TRIM71: variants seen among roughly 807,000 people sequenced by gnomAD.
TRIM71 encodes the protein tripartite motif containing 71, also known as E3 ubiquitin-protein ligase TRIM71.
A neutral mutation model predicts 61.2 loss-of-function variants in TRIM71; 9 were observed. That is an observed-to-expected ratio of 0.15 (90% CI 0.09 to 0.26). The LOEUF is 0.26. Among genes scored for constraint, TRIM71 ranks in the 10% least tolerant of loss-of-function variants. The pLI is 1.00. For missense variants in TRIM71, 998 were observed against 1,238.7 expected (o/e 0.81, Z 2.92); for synonymous variants, 645 against 553.2 (o/e 1.17, Z -2.33).
intron 3 of TRIM71, among the ~76,000 whole-genome samples, chr3:32,886,308 G>A (rs1446478096): frequency 1.3e-5 from 2 of 152,182 alleles, no homozygotes; most frequent in Non-Finnish European, 2.9e-5. Flanking sequence ...GACTGGAAGC[G>A]GTCTCCAGTT....
In TRIM71 at chr3:32,885,924, G is replaced by T; in HGVS notation, c.1021-10G>T. 1 of 1,605,176 alleles carries T rather than the reference G, an allele frequency of 6.2e-7. No individual in the cohort carries two copies. On this transcript the variant is annotated splice_polypyrimidine_tract_variant and intron_variant, in intron 2 of 3. Coordinates refer to ENST00000383763, the MANE Select transcript of TRIM71 (RefSeq NM_001039111.3). ...TAATGCCTCGAAGTTGTTTCTTTTT[G>T]GTTTTCCAGCTGAGCATCGAGCAGG... is the stretch of plus-strand genomic sequence containing the variant.
chr3:32,843,518 C>T (rs1696435075), intron 1 of TRIM71, among the ~76,000 whole-genome samples: 1 of 152,102 alleles, frequency 6.6e-6, no homozygotes, highest in African/African-American at 2.4e-5. Context: ...TTATTAGTGG[C>T]AAAAGAGCTC....
At chr3:32,873,670 C>T (rs924559796) in intron 1 of TRIM71, 148 bp from the exon 2 acceptor site, 8 of 653,670 alleles carry the variant, frequency 1.2e-5, no homozygotes, top group Non-Finnish European at 1.5e-5. Context: ...TTTGCAGTTA[C>T]GCCACTGCTG....
intron 1 of TRIM71, among the ~76,000 whole-genome samples, chr3:32,852,755 CT>C (rs1023683146): frequency 1.2e-3 from 95 of 81,314 alleles, no homozygotes; most frequent in African/African-American, 6.7e-3. Flanking sequence ...TGTATACTGT[CT>C]TTTAAAAAAA....
At chr3:32,869,692 G>A (rs189755378) in intron 1 of TRIM71, among the ~76,000 whole-genome samples, 2 of 152,092 alleles carry the variant, frequency 1.3e-5, no homozygotes, top group African/African-American at 4.8e-5. Context: ...CTAGTCTCCC[G>A]CCCGTTCCTT....
chr3:32,819,075 C>G (rs756529186), intron 1 of TRIM71, 143 bp downstream of exon 1: 5 of 909,790 alleles, frequency 5.5e-6, no homozygotes, highest in Non-Finnish European at 8.6e-6. Flanking sequence ...GCAGTCCTTG[C>G]TACCAAAGTA....
At chr3:32,889,454 TTTTTAAC>T (rs1202195687) in intron 3 of TRIM71, among the ~76,000 whole-genome samples, 1 of 151,806 alleles carries the variant, frequency 6.6e-6, no homozygotes, top group African/African-American at 2.4e-5. Context: ...TAGATGGCTG[TTTTTAAC>T]TTTTATTTTT....
chr3:32,848,759 G>T lies in TRIM71; in HGVS notation c.853-25059G>T, dbSNP rs530381986. 7.2e-5 allele frequency among the ~76,000 whole-genome samples: 11 copies of T among 152,282 alleles called. 1 individual carries two copies. In the South Asian group the frequency reaches 2.1e-3, roughly 29 times the overall value. ...AACCTGGGGCAGTGGCCAGGCTGTG[G>T]ACCCAGTGGAGTCTGGGGATGGCGG... On this transcript the variant is annotated intron_variant, in intron 1 of 3. Transcript: ENST00000383763.
At chr3:32,863,792 C>G (rs1696700629) in intron 1 of TRIM71, among the ~76,000 whole-genome samples, 1 of 152,068 alleles carries the variant, frequency 6.6e-6, no homozygotes, top group South Asian at 2.1e-4. Flanking sequence ...AGCAATTCTC[C>G]TGCCTCAGCT....
At chr3:32,856,299 G>C (rs1361247599) in intron 1 of TRIM71, among the ~76,000 whole-genome samples, 2 of 152,138 alleles carry the variant, frequency 1.3e-5, no homozygotes, top group Non-Finnish European at 2.9e-5. Context: ...TTACAGGCGT[G>C]AGCCACCGCA....
At chr3:32,882,543 CATATTAT>C (rs1412954209) in intron 2 of TRIM71, among the ~76,000 whole-genome samples, 1 of 151,926 alleles carries the variant, frequency 6.6e-6, no homozygotes, top group Non-Finnish European at 1.5e-5. Flanking sequence ...ATATTATTAT[CATATTAT>C]ATATTTGTTT....
At chr3:32,828,981 C>G (rs1044389822) in intron 1 of TRIM71, among the ~76,000 whole-genome samples, 4 of 151,526 alleles carry the variant, frequency 2.6e-5, no homozygotes, top group Non-Finnish European at 4.4e-5. Flanking sequence ...CCACTGTCCC[C>G]CACTAGAAAG....
chr3:32,838,835 C>T (rs1336764128), intron 1 of TRIM71, among the ~76,000 whole-genome samples: 3 of 151,796 alleles, frequency 2.0e-5, no homozygotes, highest in African/African-American at 7.3e-5. Context: ...AGGTCTCGCT[C>T]TGTCACCCAA....
At chr3:32,837,880 C>T (rs556171005) in intron 1 of TRIM71, among the ~76,000 whole-genome samples, 1 of 152,298 alleles carries the variant, frequency 6.6e-6, no homozygotes, top group South Asian at 2.1e-4. Flanking sequence ...GATTCTATCT[C>T]TTCTGTGTTT....
chr3:32,881,162 G>A (rs1353986986), intron 2 of TRIM71, among the ~76,000 whole-genome samples: 1 of 152,026 alleles, frequency 6.6e-6, no homozygotes, highest in African/African-American at 2.4e-5. Context: ...GGGATTACAG[G>A]TACCCGTCAC....
At chr3:32,820,833 A>T (rs1458534910) in intron 1 of TRIM71, among the ~76,000 whole-genome samples, 1 of 152,218 alleles carries the variant, frequency 6.6e-6, no homozygotes, top group Non-Finnish European at 1.5e-5. Flanking sequence ...CTTCAAATTC[A>T]CTTTTTAGCA....
intron 1 of TRIM71, among the ~76,000 whole-genome samples, chr3:32,838,834 T>A (rs1392226974): frequency 2.0e-5 from 3 of 152,174 alleles, no homozygotes; most frequent in Admixed American, 2.0e-4. Context: ...GAGGTCTCGC[T>A]CTGTCACCCA....
intron 1 of TRIM71, among the ~76,000 whole-genome samples, chr3:32,827,265 ATTCT>A (rs1696213747): frequency 1.7e-5 from 2 of 117,572 alleles, no homozygotes; most frequent in South Asian, 2.6e-4. Context: ...TAGGGGGATA[ATTCT>A]TTTTTTTTTT....
At chr3:32,844,830 A>G (rs557978557) in intron 1 of TRIM71, among the ~76,000 whole-genome samples, 254 of 152,318 alleles carry the variant, frequency 1.7e-3, no homozygotes, top group African/African-American at 6.0e-3. Flanking sequence ...AGCCACCTTG[A>G]AAAGATAGCC....
Sources: allele counts gnomAD v4.1 joint callset (sites outside exome capture counted in the v4.1 genomes callset), GRCh38; gene constraint gnomAD v4.1.1; transcripts MANE v1.5; gene names NCBI Gene and HGNC (gene_info 2026-07-23, HGNC 2026-07-21).